Variants in MPP7 observed in about 807,000 individuals in gnomAD.
The protein encoded by MPP7 is MAGUK p55 subfamily member 7.
MPP7 carries 60 observed loss-of-function variants against 76.5 expected under a neutral mutation model. That is an observed-to-expected ratio of 0.78 (90% CI 0.64 to 0.97). The LOEUF is 0.97. MPP7 is among the 50% of genes least tolerant of loss of function. MPP7 has a pLI of 0.00. For synonymous variants in MPP7, 237 were observed against 244.5 expected (o/e 0.97, Z 0.29); for missense variants, 641 against 694.0 (o/e 0.92, Z 0.86).
Position 28,303,035 on chromosome 10 carries a change from C to A in MPP7, c.-306G>T, listed in dbSNP as rs1589043432. 2.0e-5 allele frequency among the ~76,000 whole-genome samples: 3 copies of A among 150,082 alleles called. No homozygotes were observed. The highest frequency in any genetic ancestry group is 3.9e-4 in the East Asian group (2 of 5,162). ...ACGCACGAGCCCAGTGGGAGCCCGG[C>A]CCCCGCCTCCAGCCCGGCTAGTAAC... On this transcript the variant is annotated 5_prime_UTR_variant, in exon 1 of 17. Coordinates refer to ENST00000683449, the MANE Select transcript of MPP7 (RefSeq NM_001318170.2).
intron 11 of MPP7, among the ~76,000 whole-genome samples, chr10:28,117,692 A>C (rs1331886609): frequency 6.6e-6 from 1 of 152,168 alleles, no homozygotes; most frequent in Admixed American, 6.5e-5. Flanking sequence ...CATAACTTTT[A>C]ACTTTATGTG....
chr10:28,198,793 A>T (rs1373735076), intron 3 of MPP7, among the ~76,000 whole-genome samples: 1 of 152,116 alleles, frequency 6.6e-6, no homozygotes, highest in Non-Finnish European at 1.5e-5. Context: ...GATACAAAAT[A>T]TATGGTCCTG....
intron 11 of MPP7, among the ~76,000 whole-genome samples, chr10:28,102,842 TG>T: frequency 6.6e-6 from 1 of 152,322 alleles, no homozygotes; most frequent in Admixed American, 6.5e-5. Flanking sequence ...AGGAGCTCCC[TG>T]CTTCTGCTGT....
intron 12 of MPP7, among the ~76,000 whole-genome samples, chr10:28,073,926 C>G (rs1852361211): frequency 6.6e-6 from 1 of 152,012 alleles, no homozygotes; most frequent in Non-Finnish European, 1.5e-5. Flanking sequence ...TCCAGAAAGC[C>G]ACCCCTGATC....
intron 2 of MPP7, among the ~76,000 whole-genome samples, chr10:28,210,494 TATAAG>T (rs1459513794): frequency 4.6e-5 from 7 of 152,188 alleles, no homozygotes; most frequent in South Asian, 2.1e-4. Context: ...GTATGAAACT[TATAAG>T]AGAAGGTCAA....
chr10:28,259,576 G>A (rs943526339), intron 1 of MPP7, among the ~76,000 whole-genome samples: 1 of 146,124 alleles, frequency 6.8e-6, no homozygotes, highest in Non-Finnish European at 1.5e-5. Context: ...GACAGAGAGA[G>A]ACTCCATCAA....
Position 28,052,057 on chromosome 10 carries a change from TCA to T in MPP7, c.*2006_*2007del, listed in dbSNP as rs1251335374. 6.6e-6 allele frequency: 1 copy of T among 152,176 alleles called. No individual in the cohort carries two copies. The highest frequency in any genetic ancestry group is 6.5e-5 in the Admixed American group (1 of 15,274). 9.4% of individuals were successfully genotyped at this position (152,176 alleles called of 1,614,324 possible). ...ATTATTACCACCACCAAAAAAGGAC[TCA>T]GTTTCTCCCACTTTACACTATATCT... On this transcript the variant is annotated 3_prime_UTR_variant, in exon 17 of 17. Transcript: ENST00000683449.
At chr10:28,073,597 C>T (rs1030334705) in intron 12 of MPP7, among the ~76,000 whole-genome samples, 1 of 151,972 alleles carries the variant, frequency 6.6e-6, no homozygotes, top group African/African-American at 2.4e-5. Context: ...TGTCAAAACC[C>T]TGTCTCTATT....
At chr10:28,292,006 A>T (rs533024161) in intron 1 of MPP7, among the ~76,000 whole-genome samples, 37 of 152,316 alleles carry the variant, frequency 2.4e-4, no homozygotes, top group Non-Finnish European at 4.3e-4. Context: ...GTCCAGACAC[A>T]TGTAACGTGT....
chr10:28,132,858 A>G (rs1331451760), intron 5 of MPP7, among the ~76,000 whole-genome samples: 1 of 126,220 alleles, frequency 7.9e-6, no homozygotes, highest in African/African-American at 2.6e-5. Context: ...TTGGACTCCT[A>G]AAGTGCTGAG....
intron 1 of MPP7, among the ~76,000 whole-genome samples, chr10:28,265,112 G>A (rs1449843801): frequency 6.6e-6 from 1 of 152,174 alleles, no homozygotes; most frequent in East Asian, 1.9e-4. Flanking sequence ...ATAGGTCCCT[G>A]AGTTCCCATC....
intron 1 of MPP7, among the ~76,000 whole-genome samples, chr10:28,278,403 A>G (rs1334318448): frequency 6.6e-6 from 1 of 152,088 alleles, no homozygotes; most frequent in Non-Finnish European, 1.5e-5. Flanking sequence ...GGTGGTATCC[A>G]TTTTTAAATT....
chr10:28,249,396 C>T (rs1839539342), intron 1 of MPP7, among the ~76,000 whole-genome samples: 1 of 152,150 alleles, frequency 6.6e-6, no homozygotes, highest in East Asian at 1.9e-4. Flanking sequence ...CAAGACCAGC[C>T]TGACCAACAT....
chr10:28,316,186 G>A (rs965102613), intron 2 of MPP7, among the ~76,000 whole-genome samples: 2 of 151,798 alleles, frequency 1.3e-5, no homozygotes, highest in African/African-American at 4.8e-5. Context: ...CCTGTAATCC[G>A]AGGACTTTGG....
intron 2 of MPP7, among the ~76,000 whole-genome samples, chr10:28,205,243 G>A (rs914073413): frequency 2.0e-5 from 3 of 151,972 alleles, no homozygotes; most frequent in African/African-American, 4.8e-5. Flanking sequence ...AAATAATATA[G>A]ACAACTACTT....
chr10:28,117,994 C>G (rs1228115616), intron 11 of MPP7: 2 of 520,610 alleles, frequency 3.8e-6, no homozygotes, highest in East Asian at 1.5e-4. Flanking sequence ...ATTCAAGAGG[C>G]AGAAAAAGCA....
At chr10:28,232,254 T>C (rs531815032) in intron 2 of MPP7, among the ~76,000 whole-genome samples, 29 of 152,094 alleles carry the variant, frequency 1.9e-4, no homozygotes, top group African/African-American at 6.7e-4. Flanking sequence ...CCTAGCTACT[T>C]GAGACACTGA....
At chr10:28,315,190 GGGAA>G (rs539394658) in intron 2 of MPP7, among the ~76,000 whole-genome samples, 19 of 146,568 alleles carry the variant, frequency 1.3e-4, no homozygotes, top group South Asian at 2.2e-4. Context: ...AAGAGAAGGA[GGGAA>G]GGAAGGAAGG....
chr10:28,223,498 A>C (rs183416867), intron 2 of MPP7, among the ~76,000 whole-genome samples: 2 of 152,330 alleles, frequency 1.3e-5, no homozygotes, highest in Non-Finnish European at 2.9e-5. Context: ...TCGTTGCATA[A>C]GGCTATACAA....
Sources: gnomAD v4.1 joint callset for allele counts (sites outside exome capture counted in the v4.1 genomes callset) on GRCh38, gnomAD v4.1.1 for gene constraint, MANE v1.5 for transcripts, NCBI Gene and HGNC (gene_info 2026-07-23, HGNC 2026-07-21) for gene names.